Variants in AAK1 observed in about 807,000 individuals in gnomAD.
The protein encoded by AAK1 is AP2 associated kinase 1, also known as AP2-associated protein kinase 1.
In AAK1, 37 loss-of-function variants were observed where a neutral mutation model predicts 116.0. That is an observed-to-expected ratio of 0.32 (90% CI 0.25 to 0.42). The LOEUF is 0.42. Among genes scored for constraint, AAK1 ranks in the 10% least tolerant of loss-of-function variants. The pLI is 1.00. For synonymous variants in AAK1, 458 were observed against 439.9 expected, an observed-to-expected ratio of 1.04 and a Z score of -0.51; for missense variants, 919 against 1,170.6, an observed-to-expected ratio of 0.79 and a Z score of 3.14.
chr2:69,521,758 C>G (rs927346553), intron 10 of AAK1, among the ~76,000 whole-genome samples: 3 of 152,210 alleles, frequency 2.0e-5, no homozygotes, highest in African/African-American at 4.8e-5. Context: ...TAAGAAATAA[C>G]TGGTTCAAGT....
intron 2 of AAK1, among the ~76,000 whole-genome samples, chr2:69,630,345 G>GA (rs1675116473): frequency 7.4e-6 from 1 of 134,802 alleles, no homozygotes; most frequent in African/African-American, 2.7e-5. Flanking sequence ...GGGGGTGGGG[G>GA]GGGAGGGGGA....
chr2:69,643,667 T>A lies in AAK1; in HGVS notation c.-327A>T. ...CTGCGACGCAGAGAAGAGGCGGCGC[T>A]GCAGCGAGAGCCGGGGCCGCGCTCG... On this transcript the variant is annotated 5_prime_UTR_variant, in exon 1 of 22. Coordinates refer to ENST00000409085, the MANE Select transcript of AAK1 (RefSeq NM_014911.5). The A allele has an allele frequency of 8.2e-7, 1 of 1,225,462 alleles. No individual in the cohort carries two copies. The highest frequency in any genetic ancestry group is 1.0e-6 in the Non-Finnish European group (1 of 983,990). 75.9% of individuals were successfully genotyped at this position (1,225,462 alleles called of 1,614,324 possible).
intron 18 of AAK1, 164 bp from the exon 19 acceptor site, chr2:69,481,125 G>C (rs918586144): frequency 5.4e-6 from 3 of 558,222 alleles, no homozygotes; most frequent in Non-Finnish European, 9.2e-6. Flanking sequence ...GCCTCCCAAA[G>C]TCCTGTGGTT....
At chr2:69,497,008 G>A (rs1193584155) in intron 16 of AAK1, among the ~76,000 whole-genome samples, 2 of 152,098 alleles carry the variant, frequency 1.3e-5, no homozygotes, top group Non-Finnish European at 2.9e-5. Context: ...TGGAATAACA[G>A]AGCTTGACGT....
intron 2 of AAK1, chr2:69,594,749 G>T: frequency 1.2e-6 from 1 of 812,916 alleles, no homozygotes; most frequent in Non-Finnish European, 2.1e-6. Flanking sequence ...ACTTAGAACT[G>T]GATCACTTAG....
rs906670869 is a variant in AAK1, at chr2:69,458,057, A to C, written c.*17812T>G. 3.9e-5 allele frequency: 6 copies of C among 152,202 alleles called. No individual in the cohort carries two copies. Among genetic ancestry groups the C allele is most frequent in the Non-Finnish European group, 5.9e-5 (4 of 68,020 alleles). 9.4% of individuals were successfully genotyped at this position (152,202 alleles called of 1,614,324 possible). A position where few individuals can be genotyped will look rare whatever the true frequency, so the allele number is the denominator to read the frequency against. On this transcript the variant is annotated 3_prime_UTR_variant, in exon 22 of 22. Coordinates refer to ENST00000409085, the MANE Select transcript of AAK1 (RefSeq NM_014911.5). ...GAGTTTACAACTCAAAACAATTCAT[A>C]AAACCTATCAGATACATACGATAAA...
At position 69,463,041 on chromosome 2, in the gene AAK1, A is replaced by G. The variant is rs1674381875; in HGVS notation, c.*12828T>C. 1 of 152,216 alleles carries G rather than the reference A, an allele frequency of 6.6e-6. No individual in the cohort carries two copies. 9.4% of individuals were successfully genotyped at this position (152,216 alleles called of 1,614,324 possible). ...CATTTGAAATAGGCAGAGACCACCA[A>G]AAAAGGACAAAGTATTGAAAAGTAG... is the stretch of plus-strand genomic sequence containing the variant. On this transcript the variant is annotated 3_prime_UTR_variant, in exon 22 of 22. Coordinates refer to ENST00000409085, the MANE Select transcript of AAK1 (RefSeq NM_014911.5).
chr2:69,530,163 T>C, intron 7 of AAK1, 23 bp from the exon 8 acceptor site: 1 of 1,594,984 alleles, frequency 6.3e-7, no homozygotes, highest in Non-Finnish European at 8.5e-7. Flanking sequence ...GATAGCAGAT[T>C]GCTACTAGTG....
At chr2:69,526,899 GACT>G (rs1336827658) in intron 9 of AAK1, among the ~76,000 whole-genome samples, 1 of 152,202 alleles carries the variant, frequency 6.6e-6, no homozygotes, top group East Asian at 1.9e-4. Context: ...ACCTCCAGGT[GACT>G]ACAACAGGCA....
intron 10 of AAK1, among the ~76,000 whole-genome samples, chr2:69,522,702 G>A (rs895666925): frequency 6.6e-6 from 1 of 152,090 alleles, no homozygotes; most frequent in African/African-American, 2.4e-5. Flanking sequence ...TACTCGGGAG[G>A]CTGAGGCTGA....
intron 5 of AAK1, among the ~76,000 whole-genome samples, chr2:69,533,135 G>A (rs1013054491): frequency 6.6e-5 from 10 of 152,108 alleles, no homozygotes; most frequent in Non-Finnish European, 2.9e-5. Context: ...TCCAAAGACT[G>A]ATCACCTTTG....
chr2:69,608,003 A>C lies in AAK1; in HGVS notation c.163+34875T>G, dbSNP rs1470904886. ...AAAAATAGACAAAAACATGCATTTG[A>C]GTTGGAAACCAGGAAGGATGCCATC... On this transcript the variant is annotated intron_variant, in intron 2 of 21. Coordinates refer to ENST00000409085, the MANE Select transcript of AAK1 (RefSeq NM_014911.5). 4.6e-5 allele frequency among the ~76,000 whole-genome samples: 7 copies of C among 152,346 alleles called. No individual in the cohort carries two copies. In the East Asian group the frequency reaches 5.8e-4, roughly 13 times the overall value.
chr2:69,542,932 G>A (rs527673160), intron 4 of AAK1, among the ~76,000 whole-genome samples: 1 of 152,142 alleles, frequency 6.6e-6, no homozygotes, highest in Admixed American at 6.5e-5. Flanking sequence ...TTATGTCTTC[G>A]AGGTTAGTAG....
chr2:69,509,183 A>C, intron 14 of AAK1, 48 bp downstream of exon 14: 1 of 1,544,024 alleles, frequency 6.5e-7, no homozygotes, highest in Non-Finnish European at 9.0e-7. Flanking sequence ...AGCCGCAGGC[A>C]GACTTTGCCC....
At chr2:69,507,695 T>C in intron 14 of AAK1, 117 bp from the exon 15 acceptor site, 1 of 1,080,058 alleles carries the variant, frequency 9.3e-7, no homozygotes, top group Non-Finnish European at 1.3e-6. Context: ...AACCATCATT[T>C]TCCACCACAG....
At chr2:69,576,029 A>G (rs960493059) in intron 2 of AAK1, among the ~76,000 whole-genome samples, 1 of 152,172 alleles carries the variant, frequency 6.6e-6, no homozygotes, top group African/African-American at 2.4e-5. Flanking sequence ...TGTCTGCTCT[A>G]ATGCCAGCCC....
intron 2 of AAK1, among the ~76,000 whole-genome samples, chr2:69,564,000 T>A (rs1671758275): frequency 6.6e-6 from 1 of 152,104 alleles, no homozygotes; most frequent in African/African-American, 2.4e-5. Flanking sequence ...GAGACCGTCC[T>A]AGCTAACATG....
At chr2:69,529,972 A>T (rs1385561808) in intron 8 of AAK1, 36 bp downstream of exon 8, 22 of 1,467,712 alleles carry the variant, frequency 1.5e-5, no homozygotes, top group Non-Finnish European at 2.0e-5. Flanking sequence ...TGTGATTAGA[A>T]ATAAAAATAT....
intron 3 of AAK1, among the ~76,000 whole-genome samples, chr2:69,550,150 C>CCA (rs1396276664): frequency 2.0e-5 from 3 of 152,136 alleles, no homozygotes; most frequent in African/African-American, 7.2e-5. Context: ...TGGCCAAAGT[C>CCA]CACAGATACT....
Sources: gnomAD v4.1 joint callset for allele counts (sites outside exome capture counted in the v4.1 genomes callset) on GRCh38, gnomAD v4.1.1 for gene constraint, MANE v1.5 for transcripts, NCBI Gene and HGNC (gene_info 2026-07-23, HGNC 2026-07-21) for gene names.